Variants in GABRG3 observed in about 807,000 individuals in gnomAD.
GABRG3 encodes gamma-aminobutyric acid receptor subunit gamma-3.
A neutral mutation model predicts 48.8 loss-of-function variants in GABRG3; 25 were observed. The observed-to-expected ratio is 0.51, with a 90% CI of 0.37 to 0.72. GABRG3 has a LOEUF of 0.72. Ranked by LOEUF, GABRG3 falls within the 30% of genes least tolerant of loss-of-function variation. The pLI is 0.00. For synonymous variants in GABRG3, 227 were observed against 217.6 expected, an observed-to-expected ratio of 1.04 and a Z score of -0.38; for missense variants, 394 against 577.9, an observed-to-expected ratio of 0.68 and a Z score of 3.26.
intron 3 of GABRG3, among the ~76,000 whole-genome samples, chr15:27,241,952 A>G (rs764502276): frequency 1.3e-5 from 2 of 152,246 alleles, no homozygotes; most frequent in Admixed American, 6.5e-5. Flanking sequence ...GAGACTGAAT[A>G]TCAGTGGCTT....
chr15:27,301,598 T>C (rs1892208669), intron 3 of GABRG3, among the ~76,000 whole-genome samples: 1 of 152,082 alleles, frequency 6.6e-6, no homozygotes, highest in African/African-American at 2.4e-5. Context: ...TATAACTTAA[T>C]GTTACATATA....
chr15:27,238,582 C>A (rs1037636421), intron 3 of GABRG3, among the ~76,000 whole-genome samples: 4 of 152,168 alleles, frequency 2.6e-5, no homozygotes, highest in Admixed American at 1.3e-4. Flanking sequence ...TGGATGACAG[C>A]CCCCAAATTT....
chr15:27,503,788 A>C (rs769834920), intron 6 of GABRG3, among the ~76,000 whole-genome samples: 2 of 152,186 alleles, frequency 1.3e-5, no homozygotes, highest in Non-Finnish European at 2.9e-5. Flanking sequence ...CACTAAGCAT[A>C]ATTGTAGATT....
At chr15:27,528,734 T>G (rs555191514) in intron 9 of GABRG3, among the ~76,000 whole-genome samples, 8 of 152,360 alleles carry the variant, frequency 5.3e-5, no homozygotes, top group Middle Eastern at 3.4e-3. Context: ...ATTTTTGATT[T>G]GCATTTCCAT....
At chr15:27,111,707 C>G (rs1331579599) in intron 3 of GABRG3, among the ~76,000 whole-genome samples, 1 of 152,086 alleles carries the variant, frequency 6.6e-6, no homozygotes, top group Non-Finnish European at 1.5e-5. Flanking sequence ...GTGGAGCTGC[C>G]TTGGTATAGG....
intron 2 of GABRG3, among the ~76,000 whole-genome samples, chr15:27,012,959 G>A (rs768246631): frequency 7.9e-5 from 12 of 152,136 alleles, no homozygotes; most frequent in South Asian, 2.1e-4. Flanking sequence ...TAAAAGGTAC[G>A]TATTAATAAA....
At chr15:27,196,141 A>G (rs1289000348) in intron 3 of GABRG3, among the ~76,000 whole-genome samples, 1 of 152,118 alleles carries the variant, frequency 6.6e-6, no homozygotes, top group Non-Finnish European at 1.5e-5. Context: ...CCGATGTCTC[A>G]TTGCAGATGA....
intron 2 of GABRG3, among the ~76,000 whole-genome samples, chr15:27,020,495 T>A (rs1184791459): frequency 1.3e-5 from 2 of 152,280 alleles, no homozygotes; most frequent in East Asian, 3.9e-4. Flanking sequence ...CACTGCAAGC[T>A]CCGCCTCCTG....
chr15:27,405,892 A>G (rs544656383), intron 5 of GABRG3, among the ~76,000 whole-genome samples: 1 of 152,256 alleles, frequency 6.6e-6, no homozygotes, highest in African/African-American at 2.4e-5. Context: ...ATGTAGGCAA[A>G]TGGAGCATCC....
chr15:27,510,113 A>G (rs58261973), intron 6 of GABRG3, among the ~76,000 whole-genome samples: 4,588 of 152,176 alleles, frequency 0.03, 272 homozygotes, highest in African/African-American at 0.1. Flanking sequence ...TTCCCCTTGC[A>G]CTTTTCCCAG....
chr15:27,453,728 A>G (rs1321123344), intron 5 of GABRG3, among the ~76,000 whole-genome samples: 1 of 152,136 alleles, frequency 6.6e-6, no homozygotes, highest in African/African-American at 2.4e-5. Flanking sequence ...CAGCCTCCTG[A>G]GTAGCTGGGA....
intron 3 of GABRG3, among the ~76,000 whole-genome samples, chr15:27,152,040 G>A (rs1431633454): frequency 1.3e-5 from 2 of 151,974 alleles, no homozygotes; most frequent in East Asian, 3.9e-4. Flanking sequence ...TCTTTTTATG[G>A]GTCATGCTTT....
At chr15:27,175,728 C>T (rs1887723973) in intron 3 of GABRG3, among the ~76,000 whole-genome samples, 1 of 152,170 alleles carries the variant, frequency 6.6e-6, no homozygotes, top group Non-Finnish European at 1.5e-5. Context: ...TTGAGATTGC[C>T]CTGGAGAGCA....
At position 27,061,386 on chromosome 15, in the gene GABRG3, C is replaced by A. The variant is rs556200647; in HGVS notation, c.270+34565C>A. On this transcript the variant is annotated intron_variant, in intron 3 of 9. Coordinates refer to ENST00000615808, the MANE Select transcript of GABRG3 (RefSeq NM_033223.5). ...TGGGTTCTGAACGCTGGCCATCTGG[C>A]TGATTAGGGTTTTTAATAAGTCTAT... Among the ~76,000 whole-genome samples the A allele has an allele frequency of 2.0e-5, 3 of 151,308 alleles. No homozygotes were observed. In the South Asian group the frequency reaches 6.3e-4, roughly 32 times the overall value.
chr15:27,490,594 C>A (rs893074040), intron 6 of GABRG3, among the ~76,000 whole-genome samples: 1 of 152,152 alleles, frequency 6.6e-6, no homozygotes, highest in Non-Finnish European at 1.5e-5. Flanking sequence ...AATTAGATAA[C>A]CTGGGTGCGT....
intron 3 of GABRG3, among the ~76,000 whole-genome samples, chr15:27,188,809 A>G (rs1437804033): frequency 6.6e-6 from 1 of 152,132 alleles, no homozygotes; most frequent in Non-Finnish European, 1.5e-5. Flanking sequence ...GCCCATGCCT[A>G]TGTCCTGAAT....
At chr15:27,102,048 C>T (rs1052279376) in intron 3 of GABRG3, among the ~76,000 whole-genome samples, 5 of 151,942 alleles carry the variant, frequency 3.3e-5, no homozygotes, top group African/African-American at 7.3e-5. Context: ...GTACCACGTC[C>T]GGCCTCTCTA....
intron 5 of GABRG3, among the ~76,000 whole-genome samples, chr15:27,345,648 T>A (rs1894339798): frequency 6.6e-6 from 1 of 152,350 alleles, no homozygotes; most frequent in East Asian, 1.9e-4. Context: ...CTTTCTTTTT[T>A]ATATAGATCT....
intron 5 of GABRG3, among the ~76,000 whole-genome samples, chr15:27,448,352 C>G (rs2140639199): frequency 1.3e-5 from 2 of 152,216 alleles, no homozygotes; most frequent in South Asian, 4.2e-4. Context: ...CTGGAAGGCA[C>G]TATTTCCCAG....
Sources: allele counts gnomAD v4.1 joint callset (sites outside exome capture counted in the v4.1 genomes callset), GRCh38; gene constraint gnomAD v4.1.1; transcripts MANE v1.5; gene names NCBI Gene and HGNC (gene_info 2026-07-23, HGNC 2026-07-21).